Variants in COPS4 observed in about 807,000 individuals in gnomAD.
The protein encoded by COPS4 is COP9 signalosome complex subunit 4.
A neutral mutation model predicts 55.1 loss-of-function variants in COPS4; 8 were observed. The observed-to-expected ratio is 0.15, with a 90% CI of 0.09 to 0.26. The LOEUF (loss-of-function observed/expected upper bound fraction) is 0.26. Among genes scored for constraint, COPS4 ranks in the 10% least tolerant of loss-of-function variants. The pLI, the probability that COPS4 is intolerant of heterozygous loss-of-function variation, is 1.00. For synonymous variants in COPS4, 185 were observed against 165.7 expected (o/e 1.12, Z -0.90); for missense variants, 248 against 484.0 (o/e 0.51, Z 4.58).
intron 2 of COPS4, among the ~76,000 whole-genome samples, chr4:83,047,772 G>A (rs938681521): frequency 6.6e-6 from 1 of 152,160 alleles, no homozygotes; most frequent in Non-Finnish European, 1.5e-5. Flanking sequence ...AGACCGAGAT[G>A]GGCGGATCAC....
chr4:83,059,747 A>C (rs1202318808), intron 6 of COPS4, among the ~76,000 whole-genome samples: 3 of 151,340 alleles, frequency 2.0e-5, no homozygotes, highest in African/African-American at 7.3e-5. Flanking sequence ...CCCAGGCTGG[A>C]GTGCAGTGGC....
chr4:83,045,614 G>T lies in COPS4; in HGVS notation c.75-12G>T, dbSNP rs942721646. Reference sequence around the variant, plus strand: ...ACCCTCAGAACATTATTTTCATTTGGTATTGTTGTAGGTATCGTCAGATCC... The same window carrying T: ...ACCCTCAGAACATTATTTTCATTTGTTATTGTTGTAGGTATCGTCAGATCC... On this transcript the variant is annotated splice_polypyrimidine_tract_variant and intron_variant, in intron 1 of 9. Transcript: ENST00000264389. 3.1e-6 allele frequency: 5 copies of T among 1,595,680 alleles called. No individual in the cohort carries two copies. The highest frequency in any genetic ancestry group is 1.7e-4 in the Middle Eastern group (1 of 6,034).
chr4:83,064,094 G>C (rs924329855), intron 7 of COPS4, among the ~76,000 whole-genome samples: 2 of 152,106 alleles, frequency 1.3e-5, no homozygotes, highest in African/African-American at 4.8e-5. Context: ...CCAGCACTTT[G>C]GGAGGCTAAG....
In COPS4 at chr4:83,057,278, T is replaced by G. The variant is rs777264949; in HGVS notation, c.585T>G (p.Leu195=). Residue 195 remains leucine (L), a synonymous_variant, in exon 6 of 10, where the codon CTT becomes CTG. Transcript: ENST00000264389. ...IHYKVCYARV[L]DYRRKFIEAA... ...GTTAGGTATGCTATGCACGTGTTCT[T>G]GATTATAGAAGAAAATTCATTGAAG... is the stretch of plus-strand genomic sequence containing the variant. 2.5e-5 allele frequency: 40 copies of G among 1,607,008 alleles called. 1 individual carries two copies. Among genetic ancestry groups the G allele is most frequent in the Non-Finnish European group, 3.1e-5 (36 of 1,177,344 alleles).
intron 1 of COPS4, among the ~76,000 whole-genome samples, chr4:83,042,997 T>C (rs1353906098): frequency 6.6e-6 from 1 of 151,238 alleles, no homozygotes; most frequent in Non-Finnish European, 1.5e-5. Context: ...TGATCTACTT[T>C]CTTTGGCCTC....
At chr4:83,049,836 CTAA>C (rs1312427667) in intron 3 of COPS4, 42 bp from the exon 4 acceptor site, 1 of 1,081,206 alleles carries the variant, frequency 9.2e-7, no homozygotes, top group African/African-American at 1.6e-5. Flanking sequence ...TAATTAGTTA[CTAA>C]TGTCAGTTGA....
At chr4:83,064,153 T>C (rs902556108) in intron 7 of COPS4, among the ~76,000 whole-genome samples, 1 of 151,954 alleles carries the variant, frequency 6.6e-6, no homozygotes, top group Non-Finnish European at 1.5e-5. Context: ...CTGTGCAACA[T>C]AGTGAGGCCT....
Position 83,058,341 on chromosome 4 carries a change from C to G in COPS4, c.715+933C>G, listed in dbSNP as rs933203376. Among the ~76,000 whole-genome samples the G allele has an allele frequency of 3.7e-4, 56 of 152,128 alleles. 2 individuals are homozygous for G. The highest frequency in any genetic ancestry group is 3.5e-3 in the Admixed American group (53 of 15,268). The stretch of plus-strand genomic sequence containing the variant: ...CAAGTGATCCTCCCACTTCAACCTC[C>G]CAAGTAGCTGGGACTACAGGTGCAC... On this transcript the variant is annotated intron_variant, in intron 6 of 9. Transcript: ENST00000264389.
chr4:83,065,005 C>T (rs1357627281), intron 7 of COPS4: 3 of 623,866 alleles, frequency 4.8e-6, no homozygotes, highest in South Asian at 1.7e-5. Context: ...CTCCACCTCC[C>T]CAGAAGCTTA....
At chr4:83,062,692 G>T (rs1731191718) in intron 6 of COPS4, among the ~76,000 whole-genome samples, 1 of 152,190 alleles carries the variant, frequency 6.6e-6, no homozygotes, top group Non-Finnish European at 1.5e-5. Flanking sequence ...GTGCCCTATG[G>T]AGAAAATATG....
At chr4:83,041,097 C>G (rs1341792309) in intron 1 of COPS4, among the ~76,000 whole-genome samples, 2 of 144,992 alleles carry the variant, frequency 1.4e-5, no homozygotes, top group South Asian at 4.4e-4. Context: ...GAATCTCACT[C>G]TGTCGCCCAG....
At chr4:83,057,550 T>G (rs930163637) in intron 6 of COPS4, 142 bp downstream of exon 6, 3 of 603,984 alleles carry the variant, frequency 5.0e-6, no homozygotes, top group African/African-American at 1.9e-5. Context: ...GTAGTTTAAG[T>G]GTTTAAAAAC....
Position 83,057,417 on chromosome 4 carries a change from G to C in COPS4, c.715+9G>C. 1 of 1,546,962 alleles carries C rather than the reference G, an allele frequency of 6.5e-7. No individual in the cohort carries two copies. The highest frequency in any genetic ancestry group is 8.7e-7 in the Non-Finnish European group (1 of 1,147,998). On this transcript the variant is annotated intron_variant, in intron 6 of 9. Transcript: ENST00000264389. ...GATCTTAGCATCAGCAGGTAAACACGTAATAATTTATACTTAAATGAACAG... is the reference window on the plus strand; with the variant it reads ...GATCTTAGCATCAGCAGGTAAACACCTAATAATTTATACTTAAATGAACAG...
chr4:83,056,517 G>A (rs971835032), intron 4 of COPS4, among the ~76,000 whole-genome samples: 3 of 152,044 alleles, frequency 2.0e-5, no homozygotes, highest in African/African-American at 7.2e-5. Flanking sequence ...TTTGATTCCC[G>A]GCCGGGGGCA....
rs537108075 is a variant in COPS4 at position 83,074,547 on chromosome 4, C to T, written c.1088-750C>T. On this transcript the variant is annotated intron_variant, in intron 9 of 9. Coordinates refer to ENST00000264389, the MANE Select transcript of COPS4 (RefSeq NM_016129.3). Reference sequence around the variant, plus strand: ...GTACGATCTTGGCTCACTGCAACCTCTACCTCCTGGGTTCAAGTGATTCTC... The same window carrying T: ...GTACGATCTTGGCTCACTGCAACCTTTACCTCCTGGGTTCAAGTGATTCTC... Among the ~76,000 whole-genome samples, 404 of 149,754 alleles carry T rather than the reference C, an allele frequency of 2.7e-3. 2 individuals are homozygous for T. Among genetic ancestry groups the T allele is most frequent in the South Asian group, 9.5e-3 (45 of 4,736 alleles).
At chr4:83,050,382 C>T (rs1730861260) in intron 4 of COPS4, among the ~76,000 whole-genome samples, 1 of 152,118 alleles carries the variant, frequency 6.6e-6, no homozygotes, top group Non-Finnish European at 1.5e-5. Flanking sequence ...ACTGCAACCT[C>T]TGCCTCCTGG....
intron 2 of COPS4, among the ~76,000 whole-genome samples, chr4:83,048,387 A>G (rs949557784): frequency 6.6e-6 from 1 of 152,344 alleles, no homozygotes; most frequent in Non-Finnish European, 1.5e-5. Context: ...TTGGGAAAGT[A>G]TAAGTGGCAA....
chr4:83,063,020 G>A (rs2126133198), intron 6 of COPS4, 56 bp from the exon 7 acceptor site: 1 of 1,433,054 alleles, frequency 7.0e-7, no homozygotes, highest in Non-Finnish European at 9.3e-7. Flanking sequence ...TTTTTTTCCT[G>A]AAGAAACATT....
intron 1 of COPS4, among the ~76,000 whole-genome samples, chr4:83,040,225 C>T (rs1219978335): frequency 6.6e-6 from 1 of 152,082 alleles, no homozygotes; most frequent in East Asian, 1.9e-4. Flanking sequence ...GGCTCCTGGT[C>T]TGTTGCTGAA....
Sources: gnomAD v4.1 joint callset for allele counts (sites outside exome capture counted in the v4.1 genomes callset) on GRCh38, gnomAD v4.1.1 for gene constraint, MANE v1.5 for transcripts, NCBI Gene and HGNC (gene_info 2026-07-23, HGNC 2026-07-21) for gene names.